The following SYNPR variants were observed in gnomAD, a reference collection of about 807,000 sequenced individuals.
SYNPR encodes the protein synaptoporin.
A neutral mutation model predicts 32.9 loss-of-function variants in SYNPR; 23 were observed. That is an observed-to-expected ratio of 0.70 (90% CI 0.50 to 0.99). SYNPR has a LOEUF of 0.99. Ranked by LOEUF, SYNPR falls within the 50% of genes least tolerant of loss-of-function variation. SYNPR has a pLI of 0.00. For missense variants in SYNPR, 318 were observed against 349.3 expected, an observed-to-expected ratio of 0.91 and a Z score of 0.71; for synonymous variants, 146 against 135.9, an observed-to-expected ratio of 1.07 and a Z score of -0.52.
At position 63,265,241 on chromosome 3, in the gene SYNPR, CTTTTTTTT is replaced by C. The variant is rs71126590; in HGVS notation, n.155-2057_155-2050del. Among the ~76,000 whole-genome samples the C allele has an allele frequency of 2.6e-4, 27 of 102,200 alleles. 1 individual carries two copies. The highest frequency in any genetic ancestry group is 8.0e-4 in the East Asian group (2 of 2,496). 67.0% of individuals were successfully genotyped at this position (102,200 alleles called of 152,430 possible). ...TGGCAATTTGGTTTCTAATGACATT[CTTTTTTTT>C]TTTTTTTTTTTTTTTTTTCTGAGAT... is the stretch of plus-strand genomic sequence containing the variant. On this transcript the variant is annotated intron_variant and non_coding_transcript_variant, in intron 2 of 4. Coordinates refer to the SYNPR transcript ENST00000478456.
chr3:63,262,107 C>CA (rs140768837), intron 2 of SYNPR, among the ~76,000 whole-genome samples: 112,381 of 148,964 alleles, frequency 0.75, 43,056 homozygotes, highest in Middle Eastern at 0.84. Flanking sequence ...TTCTTAAGGA[C>CA]AAAAAAAAAA....
At chr3:63,249,341 G>C (rs2086313792) in intron 1 of SYNPR, among the ~76,000 whole-genome samples, 1 of 152,094 alleles carries the variant, frequency 6.6e-6, no homozygotes, top group African/African-American at 2.4e-5. Context: ...GATTGCGATA[G>C]TGTAGTCTTT....
At chr3:63,501,626 T>C (rs528427268) in intron 3 of SYNPR, among the ~76,000 whole-genome samples, 64 of 152,318 alleles carry the variant, frequency 4.2e-4, no homozygotes, top group African/African-American at 1.5e-3. Context: ...GAGCCTTTGC[T>C]ATCATCATCA....
chr3:63,294,048 A>T (rs1334825409), intron 2 of SYNPR, among the ~76,000 whole-genome samples: 5 of 152,146 alleles, frequency 3.3e-5, no homozygotes, highest in Non-Finnish European at 5.9e-5. Context: ...TTGTTTTTCT[A>T]TGCCATTAGA....
At chr3:63,305,798 A>G (rs958920527) in intron 2 of SYNPR, among the ~76,000 whole-genome samples, 1 of 151,988 alleles carries the variant, frequency 6.6e-6, no homozygotes, top group Non-Finnish European at 1.5e-5. Context: ...CTTCTTGCAT[A>G]TCCTAGGATG....
At chr3:63,460,475 G>T (rs74316968) in intron 2 of SYNPR, among the ~76,000 whole-genome samples, 10 of 147,902 alleles carry the variant, frequency 6.8e-5, no homozygotes, top group African/African-American at 2.5e-4. Flanking sequence ...AAGCCAGAAA[G>T]CCTCTTTGGT....
intron 2 of SYNPR, among the ~76,000 whole-genome samples, chr3:63,284,916 G>A (rs1174692851): frequency 2.0e-5 from 3 of 152,084 alleles, no homozygotes; most frequent in Non-Finnish European, 2.9e-5. Flanking sequence ...TAACATTCCC[G>A]TTTCTCCAGG....
Position 63,615,302 on chromosome 3 carries a change from G to T in SYNPR, c.679G>T (p.Gly227Ter). The change falls in exon 6 of 6, where the codon GGA becomes TGA. Residue 227 changes from glycine to a stop codon, truncating the protein, a stop_gained. Transcript: ENST00000478300. LOFTEE classifies it high-confidence loss of function. The stretch of plus-strand genomic sequence containing the variant: ...CAAGGAGACCGGCTGGCATTCTTCG[G>T]GACAGAGATATCTTTCAGATCCAAT... The part of the protein sequence containing the change: ...VFKETGWHSS[G>*]QRYLSDPMEK... 6.2e-7 allele frequency: 1 copy of T among 1,613,762 alleles called. No individual in the cohort carries two copies. Among genetic ancestry groups the T allele is most frequent in the Non-Finnish European group, 8.5e-7 (1 of 1,179,836 alleles).
intron 4 of SYNPR, among the ~76,000 whole-genome samples, chr3:63,583,931 G>C (rs62250822): frequency 3.3e-5 from 5 of 151,950 alleles, no homozygotes; most frequent in Admixed American, 6.6e-5. Context: ...AATTTTCCAT[G>C]ATCTAAGAAC....
At chr3:63,492,241 G>T (rs986428604) in intron 3 of SYNPR, among the ~76,000 whole-genome samples, 1 of 152,174 alleles carries the variant, frequency 6.6e-6, no homozygotes, top group Non-Finnish European at 1.5e-5. Context: ...CAGAGCACAG[G>T]AGGAGTAGGG....
At chr3:63,603,492 G>C (rs1700073858) in intron 4 of SYNPR, among the ~76,000 whole-genome samples, 1 of 152,140 alleles carries the variant, frequency 6.6e-6, no homozygotes, top group Non-Finnish European at 1.5e-5. Context: ...GTCATAGATA[G>C]CTCTTATTAC....
chr3:63,428,255 G>C (rs919460538), intron 2 of SYNPR, among the ~76,000 whole-genome samples: 1 of 152,124 alleles, frequency 6.6e-6, no homozygotes, highest in Non-Finnish European at 1.5e-5. Flanking sequence ...GGCTAAGTTG[G>C]TCAAAGCCAC....
At chr3:63,526,376 G>A (rs1326657269) in intron 3 of SYNPR, among the ~76,000 whole-genome samples, 2 of 152,148 alleles carry the variant, frequency 1.3e-5, no homozygotes, top group Admixed American at 6.5e-5. Context: ...CTGTTCACCT[G>A]TTCACTTTGT....
At position 63,322,635 on chromosome 3, in the gene SYNPR, C is replaced by G. The variant is rs76626449; in HGVS notation, c.84+43893C>G. Among the ~76,000 whole-genome samples the G allele has an allele frequency of 5.7e-3, 864 of 152,144 alleles. 8 individuals are homozygous for G. Among genetic ancestry groups the G allele is most frequent in the African/African-American group, 0.02 (819 of 41,534 alleles). ...ACAATGATTCTGTGACTTAGGTGGT[C>G]CTGTCCCCATTCTACAAACAAAAAA... On this transcript the variant is annotated intron_variant, in intron 2 of 5. Coordinates refer to ENST00000478300, the MANE Select transcript of SYNPR (RefSeq NM_001130003.2).
At chr3:63,460,271 T>A (rs1317418101) in intron 2 of SYNPR, among the ~76,000 whole-genome samples, 1 of 152,072 alleles carries the variant, frequency 6.6e-6, no homozygotes, top group African/African-American at 2.4e-5. Context: ...CATCACTGCT[T>A]TATGCAGCCC....
intron 1 of SYNPR, among the ~76,000 whole-genome samples, chr3:63,233,285 G>T (rs2086179235): frequency 6.6e-6 from 1 of 152,228 alleles, no homozygotes; most frequent in Non-Finnish European, 1.5e-5. Flanking sequence ...ATATAGTACA[G>T]ATAGGGGCAT....
chr3:63,340,023 ACTC>A (rs1241973288), intron 2 of SYNPR, among the ~76,000 whole-genome samples: 1 of 151,742 alleles, frequency 6.6e-6, no homozygotes, highest in Non-Finnish European at 1.5e-5. Flanking sequence ...ACCAGTAATC[ACTC>A]CTCCTTTTCT....
At chr3:63,316,290 AAG>A (rs2087042794) in intron 2 of SYNPR, among the ~76,000 whole-genome samples, 2 of 151,960 alleles carry the variant, frequency 1.3e-5, no homozygotes, top group Non-Finnish European at 2.9e-5. Context: ...TATCTTGTGG[AAG>A]AGTGTTAAAA....
At chr3:63,349,544 G>A (rs1273126133) in intron 2 of SYNPR, among the ~76,000 whole-genome samples, 5 of 151,806 alleles carry the variant, frequency 3.3e-5, no homozygotes, top group East Asian at 1.9e-4. Flanking sequence ...AATATATTCC[G>A]AGATATTTTA....
Sources: gnomAD v4.1 joint callset for allele counts (sites outside exome capture counted in the v4.1 genomes callset) on GRCh38, gnomAD v4.1.1 for gene constraint, MANE v1.5 for transcripts, NCBI Gene and HGNC (gene_info 2026-07-23, HGNC 2026-07-21) for gene names.